The following UBAP2 variants were observed in gnomAD, a reference collection of about 807,000 sequenced individuals.
The protein encoded by UBAP2 is ubiquitin-associated protein 2.
In UBAP2, 75 loss-of-function variants were observed where a neutral mutation model predicts 139.6. That is an observed-to-expected ratio of 0.54 (90% CI 0.45 to 0.65). The LOEUF (loss-of-function observed/expected upper bound fraction) is 0.65, where lower values mean the gene tolerates loss of function less well. UBAP2 is among the 30% of genes least tolerant of loss of function. The probability of loss-of-function intolerance (pLI) is 0.00; values close to 1 mark genes in which losing one functional copy is unlikely to be tolerated. For missense variants in UBAP2, 1,368 were observed against 1,369.6 expected (o/e 1.00, Z 0.02); for synonymous variants, 526 against 526.2 (o/e 1.00, Z 0.01).
Position 34,047,245 on chromosome 9 carries a change from T to C in UBAP2, c.-42+1580A>G, listed in dbSNP as rs144009089. ...GTCACACGTATCAACTAGCCATAAG[T>C]AGGAAAATCAGGAGTATGCTGGCAG... On this transcript the variant is annotated intron_variant, in intron 1 of 28. Transcript: ENST00000379238. 2.9e-3 allele frequency among the ~76,000 whole-genome samples: 442 copies of C among 152,112 alleles called. 2 individuals carry two copies. Among genetic ancestry groups the C allele is most frequent in the African/African-American group, 9.7e-3 (404 of 41,498 alleles).
chr9:33,946,918 T>C (rs1825695050), intron 13 of UBAP2, among the ~76,000 whole-genome samples: 1 of 152,210 alleles, frequency 6.6e-6, no homozygotes, highest in Non-Finnish European at 1.5e-5. Flanking sequence ...GCTTGATGAC[T>C]GGACCTTGGC....
chr9:33,973,221 T>G lies in UBAP2; in HGVS notation c.537A>C (p.Arg179Ser). 6.2e-7 allele frequency: 1 copy of G among 1,614,030 alleles called. No individual in the cohort carries two copies. Among genetic ancestry groups the G allele is most frequent in the Non-Finnish European group, 8.5e-7 (1 of 1,179,940 alleles). ...RARGRGFGRG[R>S]GRGAGRFSTQ... ...TTGAGAACCTTCCTGCCCCTCTCCC[T>G]CTGCCACGTCCAAATCCTTTAAAAA... is the stretch of plus-strand genomic sequence containing the variant. The change falls in exon 7 of 29, where the codon AGA becomes AGC. Residue 179 changes from arginine to serine, a missense_variant. Physicochemically the swap from Arg to Ser is moderately radical, Grantham distance 110. Transcript: ENST00000379238.
chr9:33,966,095 C>G (rs1827431599), intron 8 of UBAP2, among the ~76,000 whole-genome samples: 3 of 151,284 alleles, frequency 2.0e-5, no homozygotes, highest in African/African-American at 7.3e-5. Context: ...ACTTTTTTTT[C>G]CTTTTCAAAA....
At chr9:34,029,940 T>C (rs778708910) in intron 1 of UBAP2, among the ~76,000 whole-genome samples, 1 of 148,670 alleles carries the variant, frequency 6.7e-6, no homozygotes, top group Non-Finnish European at 1.5e-5. Context: ...TGAGCTGAGA[T>C]TGCGCCACTG....
intron 12 of UBAP2, among the ~76,000 whole-genome samples, chr9:33,952,456 C>T (rs888541623): frequency 6.6e-6 from 1 of 152,088 alleles, no homozygotes; most frequent in African/African-American, 2.4e-5. Flanking sequence ...CACATCCAAA[C>T]TATAAGGGCC....
In UBAP2 at chr9:33,980,220, C is replaced by CTTTTTTTTTTTTTTTTTTTTTTT. The variant is rs1173781682; in HGVS notation, c.520+6517_520+6539dup. 6.9e-4 allele frequency among the ~76,000 whole-genome samples: 34 copies of CTTTTTTTTTTTTTTTTTTTTTTT among 49,134 alleles called. 8 individuals carry two copies. Among genetic ancestry groups the CTTTTTTTTTTTTTTTTTTTTTTT allele is most frequent in the Non-Finnish European group, 9.5e-4 (26 of 27,464 alleles). 32.2% of individuals were successfully genotyped at this position (49,134 alleles called of 152,430 possible). A position where few individuals can be genotyped will look rare whatever the true frequency, so the allele number is the denominator to read the frequency against. On this transcript the variant is annotated intron_variant, in intron 6 of 28. Coordinates refer to ENST00000379238, the MANE Select transcript of UBAP2 (RefSeq NM_001370062.2). ...TTAATCCAAATCCTGAGTGTCATTTCTTTTTTTTTTTTTTTTTTTTTTTTT... is the reference window on the plus strand; with the variant it reads ...TTAATCCAAATCCTGAGTGTCATTTCTTTTTTTTTTTTTTTTTTTTTTTTTTTTTTTTTTTTTTTTTTTTTTTT...
At chr9:33,926,463 C>T (rs1055285389) in intron 22 of UBAP2, among the ~76,000 whole-genome samples, 154 bp downstream of exon 22, 1 of 152,126 alleles carries the variant, frequency 6.6e-6, no homozygotes, top group Admixed American at 6.5e-5. Flanking sequence ...CTGGCACAAC[C>T]GCCAGATGAA....
chr9:33,935,776 C>T (rs1824450919), intron 17 of UBAP2, 63 bp downstream of exon 17: 2 of 1,585,940 alleles, frequency 1.3e-6, no homozygotes, highest in Non-Finnish European at 1.7e-6. Context: ...ATCACGTGAG[C>T]TATCCTCTTC....
At chr9:34,015,602 C>T (rs756686638) in intron 2 of UBAP2, among the ~76,000 whole-genome samples, 5 of 152,090 alleles carry the variant, frequency 3.3e-5, no homozygotes, top group Admixed American at 2.6e-4. Context: ...GCTGGAATTA[C>T]AGGCATGAGC....
chr9:33,950,326 C>G lies in UBAP2; in HGVS notation c.1057-1739G>C, dbSNP rs531135495. On this transcript the variant is annotated intron_variant, in intron 12 of 28. Coordinates refer to ENST00000379238, the MANE Select transcript of UBAP2 (RefSeq NM_001370062.2). ...GACCTTGTGATCCACCTGCCTCAGCCTCCCAAAGTGCTGGGATTACAGGCA... is the reference window on the plus strand; with the variant it reads ...GACCTTGTGATCCACCTGCCTCAGCGTCCCAAAGTGCTGGGATTACAGGCA... Among the ~76,000 whole-genome samples the G allele has an allele frequency of 1.2e-4, 18 of 152,282 alleles. No homozygotes were observed. In the East Asian group the frequency reaches 3.5e-3, roughly 29 times the overall value.
Position 34,017,199 on chromosome 9 carries a change from A to G in UBAP2, c.-41-10T>C, listed in dbSNP as rs917688661. 7 of 1,318,780 alleles carry G rather than the reference A, an allele frequency of 5.3e-6. 1 individual carries two copies. The Admixed American group carries it at 7.3e-5, about 14-fold the overall frequency. 81.7% of individuals were successfully genotyped at this position (1,318,780 alleles called of 1,614,324 possible). ...GTACAAAATAGAAAATCTGCAAGAA[A>G]GTAGGGATGGTAAGCAAAACAATCA... is the stretch of plus-strand genomic sequence containing the variant. On this transcript the variant is annotated splice_polypyrimidine_tract_variant and intron_variant, in intron 1 of 28. Coordinates refer to ENST00000379238, the MANE Select transcript of UBAP2 (RefSeq NM_001370062.2).
chr9:33,953,217 A>C, intron 12 of UBAP2, 68 bp downstream of exon 12: 2 of 1,372,938 alleles, frequency 1.5e-6, no homozygotes, highest in Non-Finnish European at 2.0e-6. Context: ...AGCATGTATC[A>C]TATTCTAGAA....
chr9:33,966,086 CT>C (rs910909892), intron 8 of UBAP2, among the ~76,000 whole-genome samples: 4 of 151,584 alleles, frequency 2.6e-5, no homozygotes, highest in South Asian at 2.1e-4. Context: ...GGTCTTAGAA[CT>C]TTTTTTTCCT....
In UBAP2 at chr9:33,953,439, G is replaced by A. The variant is rs563343080; in HGVS notation, c.902C>T (p.Pro301Leu). The A allele has an allele frequency of 1.2e-6, 2 of 1,614,080 alleles. No homozygotes were observed. The highest frequency in any genetic ancestry group is 1.1e-5 in the South Asian group (1 of 91,054). ...GTTGGCTTCTGAGGCTTGACTGTGA[G>A]GAACAGGCTTCTGGAGCAAGGCTAC... ...DLVALLQKPV[P>L]HSQASEANSF... Residue 301 changes from proline to leucine, a missense_variant, in exon 12 of 29, where the codon CCT (proline) becomes CTT (leucine). Pro to Leu is a moderately conservative substitution (Grantham distance 98). Coordinates refer to ENST00000379238, the MANE Select transcript of UBAP2 (RefSeq NM_001370062.2).
intron 2 of UBAP2, among the ~76,000 whole-genome samples, chr9:34,013,812 G>C (rs948369011): frequency 7.2e-5 from 11 of 151,916 alleles, no homozygotes; most frequent in African/African-American, 2.4e-4. Flanking sequence ...AGGAGGCAGA[G>C]GTTGCAATGA....
chr9:33,988,478 T>C (rs1209073776), intron 5 of UBAP2, among the ~76,000 whole-genome samples: 1 of 152,256 alleles, frequency 6.6e-6, no homozygotes, highest in Admixed American at 6.5e-5. Flanking sequence ...TGAGAAATCC[T>C]GCCTATTCAG....
chr9:34,047,016 G>A (rs1827665483), intron 1 of UBAP2, among the ~76,000 whole-genome samples: 1 of 152,154 alleles, frequency 6.6e-6, no homozygotes, highest in African/African-American at 2.4e-5. Flanking sequence ...AGGGAGGACA[G>A]AGGAAACCAG....
chr9:33,973,131 A>C lies in UBAP2; in HGVS notation c.575+52T>G, dbSNP rs922497121. 1.9e-6 allele frequency: 3 copies of C among 1,556,096 alleles called. No individual in the cohort carries two copies. The African/African-American group carries it at 4.1e-5, about 21-fold the overall frequency. ...TGTAGGGTATTAGAAGCAACTGCAG[A>C]ATAAAAACTAGGGAAGTAAATAATT... On this transcript the variant is annotated intron_variant, in intron 7 of 28. Coordinates refer to ENST00000379238, the MANE Select transcript of UBAP2 (RefSeq NM_001370062.2).
rs527284131 is a variant in UBAP2 at position 34,008,901 on chromosome 9, G to A, written c.99+8149C>T. 2.9e-5 allele frequency among the ~76,000 whole-genome samples: 4 copies of A among 139,878 alleles called. No homozygotes were observed. The South Asian group carries it at 7.0e-4, about 25-fold the overall frequency. 91.8% of individuals were successfully genotyped at this position (139,878 alleles called of 152,430 possible). On this transcript the variant is annotated intron_variant, in intron 2 of 28. Transcript: ENST00000379238. ...AATGGCTTGAACCCACAAGGCAGAGGTTGCAGTGAGCCAAGGTCACGCCAC... is the reference window on the plus strand; with the variant it reads ...AATGGCTTGAACCCACAAGGCAGAGATTGCAGTGAGCCAAGGTCACGCCAC...
Sources: allele counts gnomAD v4.1 joint callset (sites outside exome capture counted in the v4.1 genomes callset), GRCh38; gene constraint gnomAD v4.1.1; transcripts MANE v1.5; gene names NCBI Gene and HGNC (gene_info 2026-07-23, HGNC 2026-07-21).